The following MAMDC2 variants were observed in gnomAD, a reference collection of about 807,000 sequenced individuals.
MAMDC2 encodes MAM domain-containing protein 2.
MAMDC2 carries 57 observed loss-of-function variants against 89.8 expected under a neutral mutation model. The observed-to-expected ratio is 0.63, with a 90% CI of 0.51 to 0.79. The LOEUF is 0.79. Ranked by LOEUF, MAMDC2 falls within the 30% of genes least tolerant of loss-of-function variation. MAMDC2 has a pLI of 0.00. For missense variants in MAMDC2, 800 were observed against 820.6 expected (o/e 0.97, Z 0.31); for synonymous variants, 313 against 293.4 (o/e 1.07, Z -0.68).
At chr9:70,208,850 A>C (rs923817334) in intron 11 of MAMDC2, among the ~76,000 whole-genome samples, 3 of 152,164 alleles carry the variant, frequency 2.0e-5, no homozygotes, top group African/African-American at 7.2e-5. Context: ...AGGGCTGCTG[A>C]ATTTTGTCAA....
intron 11 of MAMDC2, among the ~76,000 whole-genome samples, chr9:70,178,167 T>G (rs1423242866): frequency 6.6e-6 from 1 of 152,172 alleles, no homozygotes; most frequent in Non-Finnish European, 1.5e-5. Flanking sequence ...CTCAATCCAT[T>G]TTGTGCTGCT....
intron 2 of MAMDC2, chr9:70,085,961 GT>G (rs1827762305): frequency 6.6e-6 from 1 of 151,968 alleles, no homozygotes; most frequent in Non-Finnish European, 1.5e-5. Context: ...CTTTCAACAT[GT>G]TTGTTAAAGT....
intron 2 of MAMDC2, among the ~76,000 whole-genome samples, chr9:70,064,498 G>T (rs925797586): frequency 6.6e-6 from 1 of 152,090 alleles, no homozygotes; most frequent in African/African-American, 2.4e-5. Flanking sequence ...CTGTCTGTAA[G>T]GAACCACTAC....
At chr9:70,131,036 T>G (rs557360115) in intron 6 of MAMDC2, among the ~76,000 whole-genome samples, 2 of 152,276 alleles carry the variant, frequency 1.3e-5, no homozygotes, top group Admixed American at 1.3e-4. Context: ...CAGAAATGTA[T>G]TTCTTACAGT....
intron 9 of MAMDC2, among the ~76,000 whole-genome samples, chr9:70,156,755 T>C (rs931199807): frequency 6.6e-6 from 1 of 152,194 alleles, no homozygotes; most frequent in African/African-American, 2.4e-5. Context: ...AAACTCAGCA[T>C]CATTTGTGAG....
chr9:70,134,407 A>T (rs1196544750), intron 7 of MAMDC2, among the ~76,000 whole-genome samples: 2 of 150,382 alleles, frequency 1.3e-5, no homozygotes, highest in Non-Finnish European at 3.0e-5. Context: ...AGAAGATGGG[A>T]GCAAGCCTTC....
rs552066739 is a variant in MAMDC2, at chr9:70,175,448, C to T, written c.1651+4817C>T. 2.0e-5 allele frequency among the ~76,000 whole-genome samples: 3 copies of T among 152,278 alleles called. No homozygotes were observed. The South Asian group carries it at 6.2e-4, about 32-fold the overall frequency. ...TGCTTGTGTTCAAGAAACCCTTATT[C>T]TACTGAAAAATGGCAAAGTGTAAGG... On this transcript the variant is annotated intron_variant, in intron 11 of 13. Coordinates refer to ENST00000377182, the MANE Select transcript of MAMDC2 (RefSeq NM_153267.5).
At chr9:70,197,097 C>A (rs576496542) in intron 11 of MAMDC2, among the ~76,000 whole-genome samples, 13 of 152,108 alleles carry the variant, frequency 8.5e-5, no homozygotes, top group Non-Finnish European at 1.8e-4. Context: ...TACAACCTCA[C>A]TGCTTCAGCC....
intron 9 of MAMDC2, chr9:70,157,830 T>C (rs1183905519): frequency 2.0e-5 from 3 of 152,166 alleles, no homozygotes; most frequent in East Asian, 1.9e-4. Context: ...AATATATAAA[T>C]CTAATAAATC....
intron 2 of MAMDC2, among the ~76,000 whole-genome samples, chr9:70,107,944 A>T (rs925481226): frequency 9.2e-5 from 14 of 152,202 alleles, no homozygotes; most frequent in African/African-American, 3.1e-4. Context: ...ACTGATGGCA[A>T]TTATGGCAAA....
Position 70,110,542 on chromosome 9 carries a change from G to A in MAMDC2, c.505+738G>A, listed in dbSNP as rs562943280. Among the ~76,000 whole-genome samples the A allele has an allele frequency of 2.6e-5, 4 of 152,304 alleles. No homozygotes were observed. In the East Asian group the frequency reaches 7.7e-4, roughly 29 times the overall value. On this transcript the variant is annotated intron_variant, in intron 4 of 13. Transcript: ENST00000377182. ...TTCTCCATGGCCAGACCCCTGTGGG[G>A]AGAAAGAAACAGGGCAGGTTCAGGC...
intron 12 of MAMDC2, among the ~76,000 whole-genome samples, chr9:70,222,401 T>A (rs1564005560): frequency 6.6e-6 from 1 of 152,074 alleles, no homozygotes; most frequent in Non-Finnish European, 1.5e-5. Flanking sequence ...GGGAAGTAAA[T>A]GTGTACAGCT....
At chr9:70,146,998 G>A (rs1385724876) in intron 9 of MAMDC2, among the ~76,000 whole-genome samples, 1 of 149,342 alleles carries the variant, frequency 6.7e-6, no homozygotes, top group Non-Finnish European at 1.5e-5. Context: ...GCTCACGCCT[G>A]TAATCCTAGC....
At chr9:70,116,269 T>C (rs759611061) in intron 5 of MAMDC2, among the ~76,000 whole-genome samples, 1 of 152,224 alleles carries the variant, frequency 6.6e-6, no homozygotes, top group Non-Finnish European at 1.5e-5. Flanking sequence ...AACAGAGCAG[T>C]GGACTAGTGT....
At chr9:70,220,608 A>G (rs1204174345) in intron 12 of MAMDC2, among the ~76,000 whole-genome samples, 2 of 152,210 alleles carry the variant, frequency 1.3e-5, no homozygotes, top group Admixed American at 6.5e-5. Context: ...AGTTCTTTCA[A>G]CTGATCCTAT....
At chr9:70,098,454 G>T (rs1268337401) in intron 2 of MAMDC2, among the ~76,000 whole-genome samples, 1 of 152,176 alleles carries the variant, frequency 6.6e-6, no homozygotes, top group Non-Finnish European at 1.5e-5. Flanking sequence ...GTGCACTATA[G>T]ATCAATTGTA....
chr9:70,207,586 G>A (rs975121110), intron 11 of MAMDC2, among the ~76,000 whole-genome samples: 1 of 152,160 alleles, frequency 6.6e-6, no homozygotes, highest in Non-Finnish European at 1.5e-5. Flanking sequence ...TAGGTTGCCT[G>A]TTCACTCTGA....
chr9:70,096,330 T>C, intron 2 of MAMDC2, among the ~76,000 whole-genome samples: 1 of 152,116 alleles, frequency 6.6e-6, no homozygotes, highest in East Asian at 1.9e-4. Context: ...GACTTTAAAT[T>C]TTAAAACTAA....
At chr9:70,218,977 T>C (rs2033502670) in intron 12 of MAMDC2, among the ~76,000 whole-genome samples, 1 of 152,206 alleles carries the variant, frequency 6.6e-6, no homozygotes, top group South Asian at 2.1e-4. Flanking sequence ...ATTACTCACA[T>C]ACATCTAAGA....
Sources: allele counts gnomAD v4.1 joint callset (sites outside exome capture counted in the v4.1 genomes callset), GRCh38; gene constraint gnomAD v4.1.1; transcripts MANE v1.5; gene names NCBI Gene and HGNC (gene_info 2026-07-23, HGNC 2026-07-21).